Variants in SV2C observed in about 807,000 individuals in gnomAD.
SV2C encodes the protein solute carrier family 22 member B3.
Under a neutral mutation model 79.7 loss-of-function variants are expected in SV2C, and 49 were observed. The observed-to-expected ratio is 0.61, with a 90% CI of 0.49 to 0.78. The LOEUF (loss-of-function observed/expected upper bound fraction) is 0.78. Ranked by LOEUF, SV2C falls within the 30% of genes least tolerant of loss-of-function variation. SV2C has a pLI of 0.00. For synonymous variants in SV2C, 334 were observed against 333.2 expected (o/e 1.00, Z -0.03); for missense variants, 833 against 912.9 (o/e 0.91, Z 1.13).
chr5:75,921,054 T>G, the SV2C span: 1 of 744,414 alleles, frequency 1.3e-6, no homozygotes, highest in Non-Finnish European at 2.4e-6. Flanking sequence ...CCATGTTTCT[T>G]GTAGTAGCGG....
intron 1 of SV2C, among the ~76,000 whole-genome samples, chr5:76,118,368 A>G (rs1214011372): frequency 6.6e-6 from 1 of 152,160 alleles, no homozygotes; most frequent in Non-Finnish European, 1.5e-5. Flanking sequence ...TCCTTAATAT[A>G]TTTATATCTT....
chr5:76,243,961 A>G (rs1745872053), intron 4 of SV2C, among the ~76,000 whole-genome samples: 1 of 151,902 alleles, frequency 6.6e-6, no homozygotes, highest in South Asian at 2.1e-4. Context: ...GTTCTCTCAA[A>G]CATCCACAGG....
intron 2 of SV2C, among the ~76,000 whole-genome samples, chr5:76,157,682 C>G (rs1344978842): frequency 6.6e-6 from 1 of 151,678 alleles, no homozygotes; most frequent in Non-Finnish European, 1.5e-5. Context: ...AAGAAAATGA[C>G]TCTAGTGGTA....
intron 4 of SV2C, among the ~76,000 whole-genome samples, chr5:76,217,665 C>T (rs1249788978): frequency 1.3e-5 from 2 of 151,418 alleles, no homozygotes; most frequent in Non-Finnish European, 2.9e-5. Context: ...CCAGAGCAGC[C>T]CAAATGTGAG....
the SV2C span, among the ~76,000 whole-genome samples, chr5:75,975,163 G>A: frequency 6.6e-6 from 1 of 152,180 alleles, no homozygotes; most frequent in Non-Finnish European, 1.5e-5. Flanking sequence ...TAGCACTTCT[G>A]TGGTATTGCA....
intron 1 of SV2C, among the ~76,000 whole-genome samples, chr5:76,124,646 A>T (rs953914110): frequency 6.6e-6 from 1 of 152,146 alleles, no homozygotes; most frequent in Non-Finnish European, 1.5e-5. Context: ...GAATTCCTAG[A>T]TTATATGGTA....
chr5:75,890,213 T>C, the SV2C span, among the ~76,000 whole-genome samples: 1 of 152,106 alleles, frequency 6.6e-6, no homozygotes, highest in African/African-American at 2.4e-5. Context: ...TCCAGGAGCG[T>C]GCCACTGTTC....
At chr5:76,157,877 A>G (rs1238583304) in intron 2 of SV2C, among the ~76,000 whole-genome samples, 1 of 151,858 alleles carries the variant, frequency 6.6e-6, no homozygotes, top group Admixed American at 6.6e-5. Context: ...TTTAAATGTA[A>G]TAGTATAGTT....
At chr5:76,243,367 A>G (rs778463631) in intron 4 of SV2C, among the ~76,000 whole-genome samples, 2 of 152,228 alleles carry the variant, frequency 1.3e-5, no homozygotes, top group Admixed American at 6.5e-5. Context: ...ATTTCCTGGT[A>G]TAACTCAAAG....
chr5:76,091,856 T>C (rs1747388671), intron 1 of SV2C: 1 of 152,174 alleles, frequency 6.6e-6, no homozygotes, highest in South Asian at 2.1e-4. Flanking sequence ...AGAATACTCA[T>C]CAGAATTTTA....
At chr5:76,324,691 T>TA (rs33930503) in intron 12 of SV2C, among the ~76,000 whole-genome samples, 4,953 of 144,528 alleles carry the variant, frequency 0.034, 109 homozygotes, top group Middle Eastern at 0.085. Context: ...TACAAATATT[T>TA]AAAAAAAAAA....
At chr5:76,213,699 A>G (rs563897673) in intron 4 of SV2C, among the ~76,000 whole-genome samples, 5 of 152,338 alleles carry the variant, frequency 3.3e-5, no homozygotes, top group African/African-American at 1.2e-4. Flanking sequence ...GATTACCACA[A>G]TCGAGCTAAT....
intron 4 of SV2C, among the ~76,000 whole-genome samples, chr5:76,213,857 T>A (rs1198386424): frequency 3.3e-5 from 5 of 152,196 alleles, no homozygotes; most frequent in Non-Finnish European, 5.9e-5. Context: ...TTGTGCCCTT[T>A]GACCAACATC....
the SV2C span, among the ~76,000 whole-genome samples, chr5:75,893,180 G>A: frequency 1.3e-5 from 2 of 152,038 alleles, no homozygotes; most frequent in African/African-American, 2.4e-5. Context: ...GATTAGTGAT[G>A]TTGAACATTT....
chr5:75,935,339 T>C, the SV2C span, among the ~76,000 whole-genome samples: 2 of 152,168 alleles, frequency 1.3e-5, no homozygotes, highest in South Asian at 4.1e-4. Flanking sequence ...ATGTGGTTTC[T>C]TATATATTGA....
At chr5:76,047,607 G>A in the SV2C span, among the ~76,000 whole-genome samples, 3 of 151,852 alleles carry the variant, frequency 2.0e-5, no homozygotes, top group South Asian at 6.2e-4. Flanking sequence ...TGCTATTAAT[G>A]GATATTCTAT....
At chr5:76,275,111 C>A (rs1183196306) in intron 4 of SV2C, among the ~76,000 whole-genome samples, 4 of 152,090 alleles carry the variant, frequency 2.6e-5, no homozygotes, top group African/African-American at 7.2e-5. Flanking sequence ...TCGTTTAGAA[C>A]CTTGGGTTTG....
chr5:76,213,820 A>G (rs894995666), intron 4 of SV2C, among the ~76,000 whole-genome samples: 1 of 152,196 alleles, frequency 6.6e-6, no homozygotes, highest in African/African-American at 2.4e-5. Flanking sequence ...TTAGATCTCC[A>G]GAACTTATCA....
In SV2C at chr5:76,212,588, C is replaced by A. The variant is rs145090372; in HGVS notation, c.913+2701C>A. ...GAGCTTGCTCTCTGGAGCCCCTTGT[C>A]TCCCTGGTTAATGGCTGTCTCTTTC... On this transcript the variant is annotated intron_variant, in intron 4 of 12. Coordinates refer to ENST00000502798, the MANE Select transcript of SV2C (RefSeq NM_014979.4). Among the ~76,000 whole-genome samples the A allele has an allele frequency of 2.2e-3, 341 of 152,128 alleles. 3 individuals are homozygous for A. Among genetic ancestry groups the A allele is most frequent in the African/African-American group, 6.3e-3 (260 of 41,488 alleles).
Sources: allele counts gnomAD v4.1 joint callset (sites outside exome capture counted in the v4.1 genomes callset), GRCh38; gene constraint gnomAD v4.1.1; transcripts MANE v1.5; gene names NCBI Gene and HGNC (gene_info 2026-07-23, HGNC 2026-07-21).